ADAR: variants seen among roughly 807,000 people sequenced by gnomAD.
ADAR encodes double-stranded RNA-specific adenosine deaminase.
Under a neutral mutation model 113.2 loss-of-function variants are expected in ADAR, and 41 were observed. That is an observed-to-expected ratio of 0.36 (90% CI 0.28 to 0.47). The LOEUF (loss-of-function observed/expected upper bound fraction) is 0.47, where lower values mean the gene tolerates loss of function less well. ADAR is among the 20% of genes least tolerant of loss of function. The pLI is 1.00. For missense variants in ADAR, 1,242 were observed against 1,540.9 expected (o/e 0.81, Z 3.25); for synonymous variants, 605 against 572.6 (o/e 1.06, Z -0.81).
upstream of ADAR, among the ~76,000 whole-genome samples, chr1:154,613,159 C>T (rs570641299): frequency 5.3e-5 from 8 of 152,144 alleles, no homozygotes; most frequent in Non-Finnish European, 8.8e-5. Flanking sequence ...AGTAAACCCA[C>T]TTGCTTTGAT....
rs763453697 is a variant in ADAR at position 154,588,604 on chromosome 1, C to A, written c.2832G>T (p.Lys944Asn). The A allele has an allele frequency of 1.1e-5, 17 of 1,614,146 alleles. No homozygotes were observed. The highest frequency in any genetic ancestry group is 1.4e-5 in the Non-Finnish European group (17 of 1,179,992). ...TTTTTATTTGGAGCTTTTCTCCTCC[C>A]TTAGCAGGTTCAAATATACTATCCT... ...TAKDSIFEPA[K>N]GGEKLQIKKT... Residue 944 changes from lysine to asparagine, a missense_variant, in exon 10 of 15, where the codon AAG becomes AAT. Physicochemically the swap from Lys to Asn is moderately conservative, Grantham distance 94. Transcript: ENST00000368474.
chr1:154,616,129 CAGATAAG>C (rs1698628197), intron 1 of ADAR, among the ~76,000 whole-genome samples: 1 of 152,184 alleles, frequency 6.6e-6, no homozygotes, highest in African/African-American at 2.4e-5. Flanking sequence ...TTCAGCAATA[CAGATAAG>C]GTTCTCATTC....
intron 1 of ADAR, among the ~76,000 whole-genome samples, chr1:154,607,731 A>ACG (rs1272214259): frequency 4.8e-4 from 35 of 72,312 alleles, no homozygotes; most frequent in African/African-American, 1.7e-3. Flanking sequence ...CTACACACAC[A>ACG]CGCACACACA....
intron 1 of ADAR, among the ~76,000 whole-genome samples, chr1:154,624,202 A>C (rs1002456862): frequency 2.6e-5 from 4 of 151,986 alleles, no homozygotes; most frequent in Non-Finnish European, 1.5e-5. Context: ...TTTTTGCTTA[A>C]GTTAATTTAC....
At chr1:154,585,151 G>C in intron 14 of ADAR, 66 bp downstream of exon 14, 2 of 1,613,848 alleles carry the variant, frequency 1.2e-6, no homozygotes, top group South Asian at 2.2e-5. Context: ...AGACTGCAGA[G>C]GTATGATGCA....
At chr1:154,607,619 C>T (rs1368260232) in intron 1 of ADAR, among the ~76,000 whole-genome samples, 1 of 152,150 alleles carries the variant, frequency 6.6e-6, no homozygotes, top group African/African-American at 2.4e-5. Flanking sequence ...GACGGGGGCG[C>T]ATTTTCCCCC....
At chr1:154,626,167 G>A (rs1327556402) in intron 1 of ADAR, among the ~76,000 whole-genome samples, 1 of 151,342 alleles carries the variant, frequency 6.6e-6, no homozygotes, top group Non-Finnish European at 1.5e-5. Context: ...CCAGGCTGGG[G>A]TGCAATGGTG....
At chr1:154,617,252 C>T (rs1186855632) in intron 1 of ADAR, among the ~76,000 whole-genome samples, 2 of 152,184 alleles carry the variant, frequency 1.3e-5, no homozygotes, top group East Asian at 3.8e-4. Flanking sequence ...TACCTCATCC[C>T]TCATTGCCAC....
chr1:154,586,448 G>T, intron 11 of ADAR, 85 bp from the exon 12 acceptor site: 1 of 1,332,546 alleles, frequency 7.5e-7, no homozygotes, highest in East Asian at 2.4e-5. Context: ...TTAAGCTTGG[G>T]CCACAGGCTA....
At chr1:154,610,561 A>C (rs1344437615), upstream of ADAR, among the ~76,000 whole-genome samples, 1 of 152,174 alleles carries the variant, frequency 6.6e-6, no homozygotes, top group Non-Finnish European at 1.5e-5. Context: ...CTGTAATCCC[A>C]GCACTTTGGG....
At chr1:154,587,592 T>C (rs528905958) in intron 11 of ADAR, among the ~76,000 whole-genome samples, 2 of 152,278 alleles carry the variant, frequency 1.3e-5, no homozygotes, top group East Asian at 1.9e-4. Flanking sequence ...CCATGATGAC[T>C]GCTGACGTGG....
At chr1:154,589,338 G>T in intron 9 of ADAR, 31 bp downstream of exon 9, 1 of 1,581,228 alleles carries the variant, frequency 6.3e-7, no homozygotes, top group African/African-American at 1.3e-5. Context: ...CCACAGCCGG[G>T]CAGCCGGGCC....
chr1:154,611,199 TC>T (rs1191350129), upstream of ADAR, among the ~76,000 whole-genome samples: 1 of 152,138 alleles, frequency 6.6e-6, no homozygotes, highest in Non-Finnish European at 1.5e-5. Flanking sequence ...TCAGAAATGA[TC>T]CAGAAAAGCT....
At chr1:154,607,843 C>T in intron 1 of ADAR, 149 bp downstream of exon 1, 2 of 1,319,290 alleles carry the variant, frequency 1.5e-6, no homozygotes, top group Non-Finnish European at 2.1e-6. Flanking sequence ...CGCACAAATT[C>T]CTAAACCAGC....
intron 9 of ADAR, 142 bp downstream of exon 9, chr1:154,589,227 G>C (rs1205893590): frequency 5.5e-6 from 4 of 721,018 alleles, no homozygotes; most frequent in African/African-American, 5.2e-5. Context: ...TCAAATGGAC[G>C]GGTGAAAAGC....
chr1:154,598,256 G>A, intron 3 of ADAR, 146 bp downstream of exon 3: 1 of 912,120 alleles, frequency 1.1e-6, no homozygotes, highest in Non-Finnish European at 1.8e-6. Context: ...AGGAAAGGTG[G>A]GCTGGCGAGA....
chr1:154,617,152 A>C (rs2335230), intron 1 of ADAR, among the ~76,000 whole-genome samples: 27,203 of 152,128 alleles, frequency 0.18, 2,812 homozygotes, highest in South Asian at 0.33. Flanking sequence ...TTGCTTAGAC[A>C]ATGCCTAGTC....
chr1:154,615,911 A>G (rs1321328170), intron 1 of ADAR, among the ~76,000 whole-genome samples: 1 of 152,194 alleles, frequency 6.6e-6, no homozygotes, highest in East Asian at 1.9e-4. Flanking sequence ...TTTTAGTAAG[A>G]TTGTGTTTTG....
At position 154,601,240 on chromosome 1, in the gene ADAR, C is replaced by A. The variant is rs761708272; in HGVS notation, c.1402G>T (p.Ala468Ser). Residue 468 changes from alanine to serine, a missense_variant, in exon 2 of 15, where the codon GCA (alanine) becomes TCA (serine). Ala to Ser is a moderately conservative substitution (Grantham distance 99, BLOSUM62 1). Coordinates refer to ENST00000368474, the MANE Select transcript of ADAR (RefSeq NM_001111.5). The surrounding 1 kb of genome is among the most constrained non-coding windows in gnomAD (Gnocchi z 4.7). ...ATGGCTCGAAACTCACCTGGTGCTG[C>A]GCGGATACTATTCAAGTCATCTGGG... ...DIPDDLNSIR[A>S]APGEFRAIME... 3 of 1,614,226 alleles carry A rather than the reference C, an allele frequency of 1.9e-6. No individual in the cohort carries two copies. Among genetic ancestry groups the A allele is most frequent in the Non-Finnish European group, 2.5e-6 (3 of 1,180,044 alleles).
Sources: gnomAD v4.1 joint callset for allele counts (sites outside exome capture counted in the v4.1 genomes callset) on GRCh38, gnomAD v4.1.1 for gene constraint, Gnocchi (gnomAD v3.1) non-coding constraint, MANE v1.5 for transcripts, NCBI Gene and HGNC (gene_info 2026-07-23, HGNC 2026-07-21) for gene names.